STX8: variants seen among roughly 807,000 people sequenced by gnomAD.
STX8 encodes syntaxin-8.
STX8 carries 23 observed loss-of-function variants against 37.5 expected under a neutral mutation model. The ratio of observed to expected loss-of-function variants is 0.61; its 90% CI spans 0.44 to 0.87. The LOEUF is 0.87. STX8 is among the 40% of genes least tolerant of loss of function. The probability of loss-of-function intolerance (pLI) is 0.00; values close to 1 mark genes in which losing one functional copy is unlikely to be tolerated. For synonymous variants in STX8, 115 were observed against 99.1 expected, an observed-to-expected ratio of 1.16 and a Z score of -0.95; for missense variants, 313 against 284.7, an observed-to-expected ratio of 1.10 and a Z score of -0.71.
chr17:9,503,807 G>A (rs1904715513), intron 5 of STX8, among the ~76,000 whole-genome samples: 1 of 152,140 alleles, frequency 6.6e-6, no homozygotes, highest in African/African-American at 2.4e-5. Context: ...CTGTTGCACA[G>A]GCTGGAGTGC....
chr17:9,318,148 T>C (rs922103437), intron 7 of STX8, among the ~76,000 whole-genome samples: 1 of 152,160 alleles, frequency 6.6e-6, no homozygotes, highest in South Asian at 2.1e-4. Flanking sequence ...ATACTTCAAG[T>C]TCTAGGGTCC....
intron 5 of STX8, among the ~76,000 whole-genome samples, chr17:9,500,858 A>G (rs1904584719): frequency 6.6e-6 from 1 of 152,064 alleles, no homozygotes; most frequent in African/African-American, 2.4e-5. Context: ...ACAAAAAATT[A>G]GCCGCGCGTG....
intron 7 of STX8, among the ~76,000 whole-genome samples, chr17:9,338,009 T>G (rs1471172903): frequency 6.6e-6 from 1 of 151,516 alleles, no homozygotes; most frequent in Non-Finnish European, 1.5e-5. Context: ...GCTGAGGAGT[T>G]TGGACTTTAT....
intron 6 of STX8, among the ~76,000 whole-genome samples, chr17:9,443,906 T>C (rs1248667277): frequency 6.6e-6 from 1 of 152,184 alleles, no homozygotes; most frequent in Non-Finnish European, 1.5e-5. Context: ...ATATACACCC[T>C]TCCTTTTTGG....
intron 7 of STX8, among the ~76,000 whole-genome samples, chr17:9,368,836 A>G (rs2142269412): frequency 6.6e-6 from 1 of 151,308 alleles, no homozygotes; most frequent in South Asian, 2.1e-4. Context: ...GCTGACTCAG[A>G]CCCGTCTGTA....
intron 6 of STX8, among the ~76,000 whole-genome samples, chr17:9,471,031 C>CTTTTTT (rs757411419): frequency 0.015 from 497 of 33,034 alleles, 119 homozygotes; most frequent in African/African-American, 0.052. Flanking sequence ...CTGCATCCTG[C>CTTTTTT]TTTTTTTTTT....
chr17:9,541,149 AAGG>A (rs1283793625), intron 4 of STX8, among the ~76,000 whole-genome samples: 1 of 152,220 alleles, frequency 6.6e-6, no homozygotes, highest in Non-Finnish European at 1.5e-5. Flanking sequence ...CCTAGGGTTT[AAGG>A]AGGTTTCGGT....
chr17:9,388,034 T>A, intron 6 of STX8, among the ~76,000 whole-genome samples: 1 of 151,894 alleles, frequency 6.6e-6, no homozygotes, highest in East Asian at 1.9e-4. Context: ...TTGGTAAACC[T>A]CTCCTCTTTA....
intron 6 of STX8, among the ~76,000 whole-genome samples, chr17:9,459,331 G>C (rs867135092): frequency 6.6e-6 from 1 of 152,222 alleles, no homozygotes; most frequent in African/African-American, 2.4e-5. Context: ...ATTCTGAGGA[G>C]GAGGAGGTGC....
intron 7 of STX8, among the ~76,000 whole-genome samples, chr17:9,334,320 T>C (rs1360867427): frequency 1.3e-5 from 2 of 152,122 alleles, no homozygotes; most frequent in Non-Finnish European, 2.9e-5. Flanking sequence ...AAGCATAACT[T>C]ATAATCTTGT....
At chr17:9,348,465 C>CATAT (rs374977487) in intron 7 of STX8, among the ~76,000 whole-genome samples, 15,031 of 150,858 alleles carry the variant, frequency 0.1, 812 homozygotes, top group Middle Eastern at 0.18. Context: ...TATAGCCTAT[C>CATAT]CAAACCATTC....
intron 7 of STX8, among the ~76,000 whole-genome samples, chr17:9,273,798 G>A (rs974755744): frequency 6.6e-6 from 1 of 151,986 alleles, no homozygotes; most frequent in African/African-American, 2.4e-5. Context: ...CCCGTCTCAC[G>A]TTGGAAATCC....
chr17:9,552,948 T>C (rs917517136), intron 3 of STX8: 2 of 152,252 alleles, frequency 1.3e-5, no homozygotes, highest in African/African-American at 4.8e-5. Flanking sequence ...ATTTATAGAT[T>C]TTTAAAACTT....
At chr17:9,302,601 C>T (rs1290331179) in intron 7 of STX8, among the ~76,000 whole-genome samples, 2 of 152,124 alleles carry the variant, frequency 1.3e-5, no homozygotes, top group African/African-American at 4.8e-5. Flanking sequence ...CAGGCATGGA[C>T]ACATAAGCAG....
chr17:9,278,725 T>A (rs1196305147), intron 7 of STX8, among the ~76,000 whole-genome samples: 1 of 151,818 alleles, frequency 6.6e-6, no homozygotes, highest in East Asian at 1.9e-4. Flanking sequence ...TGGTGACAGG[T>A]TGAGAGCCCA....
chr17:9,392,906 G>A (rs985916073), intron 6 of STX8, among the ~76,000 whole-genome samples: 1 of 152,114 alleles, frequency 6.6e-6, no homozygotes, highest in African/African-American at 2.4e-5. Flanking sequence ...TCAGAAGAGA[G>A]AAAAAAGAGT....
intron 7 of STX8, among the ~76,000 whole-genome samples, chr17:9,298,629 T>C (rs912758591): frequency 5.9e-5 from 9 of 152,006 alleles, no homozygotes; most frequent in Admixed American, 5.2e-4. Flanking sequence ...CTGGCCAACA[T>C]GGTGAAACCC....
chr17:9,439,558 T>A (rs2142383921), intron 6 of STX8, among the ~76,000 whole-genome samples: 1 of 150,914 alleles, frequency 6.6e-6, no homozygotes, highest in African/African-American at 2.4e-5. Context: ...TGCGGTGGTG[T>A]GATCTTGGCT....
intron 6 of STX8, among the ~76,000 whole-genome samples, chr17:9,396,897 G>A (rs144980752): frequency 1.3e-5 from 2 of 152,254 alleles, no homozygotes; most frequent in African/African-American, 4.8e-5. Flanking sequence ...GCATCAAACT[G>A]CATTACAAAT....
Sources: gnomAD v4.1 joint callset for allele counts (sites outside exome capture counted in the v4.1 genomes callset) on GRCh38, gnomAD v4.1.1 for gene constraint, MANE v1.5 for transcripts, NCBI Gene and HGNC (gene_info 2026-07-23, HGNC 2026-07-21) for gene names.